Variants in RBFOX1 observed in about 807,000 individuals in gnomAD.
The protein encoded by RBFOX1 is RNA binding protein fox-1 homolog 1.
Under a neutral mutation model 57.7 loss-of-function variants are expected in RBFOX1, and 8 were observed. That is an observed-to-expected ratio of 0.14 (90% CI 0.08 to 0.25). The LOEUF (loss-of-function observed/expected upper bound fraction) is 0.25, where lower values mean the gene tolerates loss of function less well. Among genes scored for constraint, RBFOX1 ranks in the 10% least tolerant of loss-of-function variants. The probability of loss-of-function intolerance (pLI) is 1.00; values close to 1 mark genes in which losing one functional copy is unlikely to be tolerated. For missense variants in RBFOX1, 611 were observed against 548.5 expected, an observed-to-expected ratio of 1.11 and a Z score of -1.14; for synonymous variants, 326 against 222.4, an observed-to-expected ratio of 1.47 and a Z score of -4.15.
intron 3 of RBFOX1, among the ~76,000 whole-genome samples, chr16:6,909,201 C>T (rs182603420): frequency 1.1e-4 from 17 of 152,266 alleles, no homozygotes; most frequent in African/African-American, 4.1e-4. Flanking sequence ...TAGTTTCCTC[C>T]CTTTGCCGGT....
intron 3 of RBFOX1, among the ~76,000 whole-genome samples, chr16:6,722,163 C>G (rs1335669934): frequency 6.6e-6 from 1 of 152,088 alleles, no homozygotes; most frequent in East Asian, 1.9e-4. Context: ...TGGTACATAC[C>G]CAAAAATGGA....
intron 4 of RBFOX1, among the ~76,000 whole-genome samples, chr16:7,356,786 CT>C (rs1332089086): frequency 2.6e-5 from 4 of 152,332 alleles, no homozygotes; most frequent in African/African-American, 9.6e-5. Context: ...TCTGCAGTGC[CT>C]TTTCCAGTGA....
chr16:5,502,329 C>G (rs2043227269), intron 2 of RBFOX1, among the ~76,000 whole-genome samples: 1 of 152,064 alleles, frequency 6.6e-6, no homozygotes, highest in Admixed American at 6.6e-5. Flanking sequence ...GCTGGTGTGT[C>G]CCAGTGGATG....
intron 4 of RBFOX1, among the ~76,000 whole-genome samples, chr16:7,072,451 C>G (rs940207311): frequency 2.0e-5 from 3 of 152,132 alleles, no homozygotes; most frequent in African/African-American, 7.2e-5. Context: ...TAAGAGAATG[C>G]TTATTTTGTT....
At chr16:5,747,769 C>T (rs1053180329) in intron 3 of RBFOX1, among the ~76,000 whole-genome samples, 5 of 152,034 alleles carry the variant, frequency 3.3e-5, no homozygotes, top group African/African-American at 1.2e-4. Flanking sequence ...TCCCTCTTTA[C>T]TTCTTTATTA....
Position 5,637,791 on chromosome 16 carries a change from C to G in RBFOX1, c.318+38830C>G, listed in dbSNP as rs191415859. ...ATTCCCATGCTGAAGACCACCCTCC[C>G]TGGTAGTGTGGTGAGGAGGGAGGGC... On this transcript the variant is annotated intron_variant, in intron 3 of 19. Coordinates refer to the RBFOX1 transcript ENST00000641259. 2.0e-5 allele frequency among the ~76,000 whole-genome samples: 3 copies of G among 152,222 alleles called. No homozygotes were observed. In the East Asian group the frequency reaches 5.8e-4, roughly 30 times the overall value.
intron 3 of RBFOX1, among the ~76,000 whole-genome samples, chr16:6,974,893 G>A (rs756509336): frequency 3.9e-5 from 6 of 152,076 alleles, no homozygotes; most frequent in Non-Finnish European, 8.8e-5. Context: ...AAATAGCTGC[G>A]TGAGAAATCC....
intron 3 of RBFOX1, among the ~76,000 whole-genome samples, chr16:6,682,055 G>A (rs772582917): frequency 1.3e-5 from 2 of 152,126 alleles, no homozygotes; most frequent in Non-Finnish European, 2.9e-5. Context: ...CATATCTACT[G>A]GATCCAGTTT....
chr16:6,073,000 A>G (rs2095855041), intron 1 of RBFOX1, among the ~76,000 whole-genome samples: 1 of 152,190 alleles, frequency 6.6e-6, no homozygotes, highest in Admixed American at 6.5e-5. Flanking sequence ...ATAAAAATCT[A>G]TAATATTCTT....
chr16:5,513,988 T>C (rs1192868952), intron 2 of RBFOX1, among the ~76,000 whole-genome samples: 4 of 152,226 alleles, frequency 2.6e-5, no homozygotes, highest in Non-Finnish European at 5.9e-5. Flanking sequence ...AGGCAGGCTT[T>C]GTCATGTATA....
At chr16:6,869,304 C>T (rs1318964369) in intron 3 of RBFOX1, among the ~76,000 whole-genome samples, 1 of 152,120 alleles carries the variant, frequency 6.6e-6, no homozygotes, top group Non-Finnish European at 1.5e-5. Context: ...CTTATTATAT[C>T]TTGCCACTGC....
chr16:6,008,351 T>C (rs750985861), intron 4 of RBFOX1, among the ~76,000 whole-genome samples: 3 of 151,826 alleles, frequency 2.0e-5, no homozygotes, highest in Non-Finnish European at 2.9e-5. Context: ...TAATACATCC[T>C]ATGATGAAGA....
At chr16:5,348,188 A>G (rs1257356405) in intron 1 of RBFOX1, among the ~76,000 whole-genome samples, 3 of 149,818 alleles carry the variant, frequency 2.0e-5, no homozygotes, top group Non-Finnish European at 3.0e-5. Context: ...TCAATAATCT[A>G]CTCTTCCACC....
In RBFOX1 at chr16:6,097,174, C is replaced by T. The variant is rs992808400; in HGVS notation, c.-127+77182C>T. On this transcript the variant is annotated intron_variant, in intron 1 of 15. Coordinates refer to ENST00000550418, the MANE Select transcript of RBFOX1 (RefSeq NM_018723.4). The surrounding 1 kb of genome is among the most constrained non-coding windows in gnomAD (Gnocchi z 5.0). ...CTTTCCTGTCTGCTGCCTTGTAAGA[C>T]GTGACTTTCGCTTTCTGCCATGATT... 2.6e-5 allele frequency among the ~76,000 whole-genome samples: 4 copies of T among 152,130 alleles called. No individual in the cohort carries two copies. The highest frequency in any genetic ancestry group is 1.9e-4 in the East Asian group (1 of 5,194).
At chr16:5,867,151 T>C (rs973655426) in intron 3 of RBFOX1, among the ~76,000 whole-genome samples, 7 of 70,524 alleles carry the variant, frequency 9.9e-5, no homozygotes, top group African/African-American at 3.3e-4. Flanking sequence ...AGAAAATGCA[T>C]GTGTGTGTGT....
intron 3 of RBFOX1, among the ~76,000 whole-genome samples, chr16:6,831,482 A>G (rs1328121106): frequency 6.6e-6 from 1 of 152,194 alleles, no homozygotes; most frequent in Non-Finnish European, 1.5e-5. Context: ...CCCATTATAT[A>G]TCATTTACTT....
chr16:6,217,786 G>T (rs999930839), intron 1 of RBFOX1, among the ~76,000 whole-genome samples: 1 of 152,134 alleles, frequency 6.6e-6, no homozygotes, highest in Non-Finnish European at 1.5e-5. Context: ...AGGCTAAGGC[G>T]GGTGGATCAC....
intron 2 of RBFOX1, among the ~76,000 whole-genome samples, chr16:6,614,755 G>T (rs1031857301): frequency 6.6e-6 from 1 of 152,064 alleles, no homozygotes; most frequent in Admixed American, 6.5e-5. Flanking sequence ...TTTTCCATCT[G>T]TCTCTGACTT....
chr16:6,396,554 C>A (rs991609872), intron 2 of RBFOX1, among the ~76,000 whole-genome samples: 2 of 152,096 alleles, frequency 1.3e-5, no homozygotes, highest in African/African-American at 4.8e-5. Context: ...CATAGCTGGA[C>A]GACTGAAAGA....
Sources: allele counts gnomAD v4.1 joint callset (sites outside exome capture counted in the v4.1 genomes callset), GRCh38; gene constraint gnomAD v4.1.1; non-coding constraint Gnocchi (gnomAD v3.1); transcripts MANE v1.5; gene names NCBI Gene and HGNC (gene_info 2026-07-23, HGNC 2026-07-21).